ANXA3: variants seen among roughly 807,000 people sequenced by gnomAD.
ANXA3 encodes the protein 35-alpha calcimedin.
Under a neutral mutation model 48.8 loss-of-function variants are expected in ANXA3, and 46 were observed. The ratio of observed to expected loss-of-function variants is 0.94; its 90% CI spans 0.74 to 1.21. The LOEUF is 1.21. Among genes scored for constraint, ANXA3 ranks in the 50% most tolerant of loss-of-function variants. The probability of loss-of-function intolerance (pLI) is 0.00; values close to 1 mark genes in which losing one functional copy is unlikely to be tolerated. For synonymous variants in ANXA3, 128 were observed against 134.7 expected (o/e 0.95, Z 0.35); for missense variants, 383 against 378.6 (o/e 1.01, Z -0.10).
intron 3 of ANXA3, among the ~76,000 whole-genome samples, chr4:78,574,471 C>T (rs1722908367): frequency 6.6e-6 from 1 of 152,118 alleles, no homozygotes; most frequent in Non-Finnish European, 1.5e-5. Flanking sequence ...GTCAGTTCTT[C>T]CTGGATTTCA....
intron 2 of ANXA3, among the ~76,000 whole-genome samples, chr4:78,567,778 G>A (rs1046499399): frequency 6.6e-6 from 1 of 152,156 alleles, no homozygotes; most frequent in African/African-American, 2.4e-5. Flanking sequence ...TTTAACCTTT[G>A]TTCTCCCTGG....
At chr4:78,604,450 T>A (rs2109950889) in intron 12 of ANXA3, 51 bp downstream of exon 12, 1 of 1,451,328 alleles carries the variant, frequency 6.9e-7, no homozygotes, top group Non-Finnish European at 9.5e-7. Context: ...TCTCTACCCA[T>A]CTCCTTACTC....
intron 2 of ANXA3, among the ~76,000 whole-genome samples, chr4:78,562,823 C>A (rs1447438284): frequency 1.3e-5 from 2 of 151,964 alleles, no homozygotes; most frequent in Admixed American, 1.3e-4. Context: ...GAGAAGTCAA[C>A]GTGGCATGAG....
intron 2 of ANXA3, among the ~76,000 whole-genome samples, chr4:78,555,707 T>A (rs1722497718): frequency 6.6e-6 from 1 of 151,482 alleles, no homozygotes; most frequent in African/African-American, 2.4e-5. Context: ...AAAAATTAGC[T>A]GAACGTTGTG....
chr4:78,562,613 T>C (rs1364708512), intron 2 of ANXA3, among the ~76,000 whole-genome samples: 2 of 152,228 alleles, frequency 1.3e-5, no homozygotes, highest in East Asian at 1.9e-4. Flanking sequence ...AACTATCTTT[T>C]ATATGCCAGA....
At chr4:78,557,590 G>A (rs2109923644) in intron 2 of ANXA3, among the ~76,000 whole-genome samples, 1 of 152,156 alleles carries the variant, frequency 6.6e-6, no homozygotes, top group African/African-American at 2.4e-5. Flanking sequence ...AGGTGGGGAG[G>A]GGCCAAAAAC....
chr4:78,572,384 C>T (rs1722856635), intron 2 of ANXA3, among the ~76,000 whole-genome samples: 1 of 152,148 alleles, frequency 6.6e-6, no homozygotes, highest in African/African-American at 2.4e-5. Context: ...TCCACTGAGA[C>T]CATCACATTG....
chr4:78,583,540 C>G (rs961653445), intron 5 of ANXA3, among the ~76,000 whole-genome samples: 6 of 151,408 alleles, frequency 4.0e-5, no homozygotes, highest in African/African-American at 1.5e-4. Context: ...GGGAGAATCA[C>G]TTAAGCCCAG....
At chr4:78,584,869 T>A (rs1292474282) in intron 5 of ANXA3, among the ~76,000 whole-genome samples, 1 of 152,058 alleles carries the variant, frequency 6.6e-6, no homozygotes, top group Non-Finnish European at 1.5e-5. Context: ...CTGACCCCTA[T>A]GAGAGGAGAG....
Position 78,604,186 on chromosome 4 carries a change from C to T in ANXA3, c.790-91C>T. 6 of 1,172,492 alleles carry T rather than the reference C, an allele frequency of 5.1e-6. No individual in the cohort carries two copies. The South Asian group carries it at 1.4e-4, about 26-fold the overall frequency. 72.6% of individuals were successfully genotyped at this position (1,172,492 alleles called of 1,614,324 possible). A position where few individuals can be genotyped will look rare whatever the true frequency, so the allele number is the denominator to read the frequency against. On this transcript the variant is annotated intron_variant, in intron 11 of 12. Transcript: ENST00000264908. ...AGAATCACTATAGTTGAATATTTTGCACACCATTATCTGATTCTTATAAAT... is the reference window on the plus strand; with the variant it reads ...AGAATCACTATAGTTGAATATTTTGTACACCATTATCTGATTCTTATAAAT...
intron 6 of ANXA3, among the ~76,000 whole-genome samples, chr4:78,588,829 G>A (rs543989510): frequency 1.8e-4 from 27 of 152,138 alleles, no homozygotes; most frequent in Non-Finnish European, 3.8e-4. Flanking sequence ...AATAGGGAGC[G>A]GGTACAGACA....
Position 78,604,323 on chromosome 4 carries a change from G to A in ANXA3, c.836G>A (p.Arg279Lys), listed in dbSNP as rs1306312490. 5 of 1,613,374 alleles carry A rather than the reference G, an allele frequency of 3.1e-6. No homozygotes were observed. Among genetic ancestry groups the A allele is most frequent in the Non-Finnish European group, 4.2e-6 (5 of 1,179,586 alleles). Residue 279 changes from arginine to lysine, a missense_variant, in exon 12 of 13, where the codon AGA (arginine) becomes AAA (lysine). Arg to Lys is a conservative substitution (Grantham distance 26, BLOSUM62 2). Transcript: ENST00000264908. ...ACTCTGAACCGAATAATGGTGTCCAGATCAGAAATTGACCTTTTGGACATT... is the reference window on the plus strand; with the variant it reads ...ACTCTGAACCGAATAATGGTGTCCAAATCAGAAATTGACCTTTTGGACATT... ...EFTLNRIMVS[R>K]SEIDLLDIRT...
chr4:78,578,722 A>G (rs17003358), intron 3 of ANXA3, among the ~76,000 whole-genome samples: 6,461 of 152,250 alleles, frequency 0.042, 432 homozygotes, highest in African/African-American at 0.14. Context: ...TAAAGGTAAA[A>G]AAGTCAAGTT....
At chr4:78,609,638 T>C (rs948347615) in intron 12 of ANXA3, among the ~76,000 whole-genome samples, 2 of 152,172 alleles carry the variant, frequency 1.3e-5, no homozygotes, top group African/African-American at 4.8e-5. Context: ...ATCTGTTAAA[T>C]GGGGGATACG....
intron 2 of ANXA3, among the ~76,000 whole-genome samples, chr4:78,568,905 A>C (rs1474923629): frequency 1.3e-5 from 2 of 152,244 alleles, no homozygotes; most frequent in Admixed American, 6.5e-5. Context: ...AGGAGCAAAG[A>C]CTGTTGGAAC....
rs111614136 is a variant in ANXA3 at position 78,595,045 on chromosome 4, G to A, written c.484-336G>A. Among the ~76,000 whole-genome samples the A allele has an allele frequency of 3.2e-3, 492 of 152,344 alleles. 2 individuals are homozygous for A. Among genetic ancestry groups the A allele is most frequent in the African/African-American group, 0.011 (450 of 41,574 alleles). Reference sequence around the variant, plus strand: ...TTAGCTATTCAGGAGGCTGAAGCGGGAAGATGGCTTGAGCCTTGGAGTTCA... The same window carrying A: ...TTAGCTATTCAGGAGGCTGAAGCGGAAAGATGGCTTGAGCCTTGGAGTTCA... On this transcript the variant is annotated intron_variant, in intron 7 of 12. Coordinates refer to ENST00000264908, the MANE Select transcript of ANXA3 (RefSeq NM_005139.3).
At chr4:78,587,869 G>A (rs907309110) in intron 6 of ANXA3, among the ~76,000 whole-genome samples, 14 of 151,956 alleles carry the variant, frequency 9.2e-5, no homozygotes, top group Admixed American at 2.0e-4. Flanking sequence ...TGAGGTCAGC[G>A]GATCACAAGG....
At chr4:78,594,913 A>T (rs2109945133) in intron 7 of ANXA3, among the ~76,000 whole-genome samples, 1 of 152,280 alleles carries the variant, frequency 6.6e-6, no homozygotes, top group South Asian at 2.1e-4. Flanking sequence ...GTGGGAGGAC[A>T]GCTTGAGGCC....
chr4:78,560,827 C>G (rs1722611904), intron 2 of ANXA3, among the ~76,000 whole-genome samples: 1 of 152,114 alleles, frequency 6.6e-6, no homozygotes, highest in Non-Finnish European at 1.5e-5. Context: ...TTTTGAAGCT[C>G]TATGCCAAGA....
Sources: allele counts gnomAD v4.1 joint callset (sites outside exome capture counted in the v4.1 genomes callset), GRCh38; gene constraint gnomAD v4.1.1; transcripts MANE v1.5; gene names NCBI Gene and HGNC (gene_info 2026-07-23, HGNC 2026-07-21).